Variants in GLI2 observed in about 807,000 individuals in gnomAD.
GLI2 encodes the protein GLI family zinc finger 2, also known as transcription activator GLI2.
Under a neutral mutation model 78.9 loss-of-function variants are expected in GLI2, and 22 were observed. The observed-to-expected ratio is 0.28, with a 90% confidence interval of 0.20 to 0.40. GLI2 has a LOEUF of 0.40. Ranked by LOEUF, GLI2 falls within the 10% of genes least tolerant of loss-of-function variation. The pLI is 1.00. For synonymous variants in GLI2, 974 were observed against 963.7 expected (o/e 1.01, Z -0.20); for missense variants, 2,097 against 2,213.2 (o/e 0.95, Z 1.05).
chr2:120,930,528 C>T (rs776867456), intron 3 of GLI2, among the ~76,000 whole-genome samples: 11 of 152,322 alleles, frequency 7.2e-5, no homozygotes, highest in Non-Finnish European at 1.0e-4. Flanking sequence ...CGAGTCCAGC[C>T]GAGCCCTTCT....
chr2:120,974,305 G>A (rs916696616), intron 8 of GLI2, among the ~76,000 whole-genome samples: 5 of 152,256 alleles, frequency 3.3e-5, no homozygotes, highest in Admixed American at 1.3e-4. Flanking sequence ...CTGCTCAGAG[G>A]GTGCCCCTGG....
chr2:120,873,109 C>G (rs940887827), intron 2 of GLI2, among the ~76,000 whole-genome samples: 1 of 152,174 alleles, frequency 6.6e-6, no homozygotes, highest in African/African-American at 2.4e-5. Context: ...TGCTTGCTAC[C>G]TCGTAACCTT....
At chr2:120,795,035 T>C (rs977347536) in intron 1 of GLI2, among the ~76,000 whole-genome samples, 3 of 152,194 alleles carry the variant, frequency 2.0e-5, no homozygotes, top group African/African-American at 4.8e-5. Context: ...CTCATTTTTT[T>C]CTACTTAAAA....
intron 2 of GLI2, among the ~76,000 whole-genome samples, chr2:120,871,877 ATT>A (rs1045349307): frequency 2.0e-5 from 3 of 152,150 alleles, no homozygotes; most frequent in African/African-American, 7.2e-5. Context: ...AGCCGGGCCC[ATT>A]TATTATGTTT....
intron 2 of GLI2, among the ~76,000 whole-genome samples, chr2:120,893,058 C>T (rs1008422965): frequency 2.0e-5 from 3 of 152,232 alleles, no homozygotes; most frequent in African/African-American, 7.2e-5. Flanking sequence ...TGGCAGAGCT[C>T]CTGCCCCCAG....
At chr2:120,771,424 G>A (rs1046648549) in intron 1 of GLI2, among the ~76,000 whole-genome samples, 4 of 150,586 alleles carry the variant, frequency 2.7e-5, no homozygotes, top group African/African-American at 5.0e-5. Context: ...TAAAATGACT[G>A]GTGAGGCTGG....
At chr2:120,967,497 G>A (rs1681915312) in intron 5 of GLI2, among the ~76,000 whole-genome samples, 1 of 152,204 alleles carries the variant, frequency 6.6e-6, no homozygotes, top group Non-Finnish European at 1.5e-5. Flanking sequence ...GCACCGTGAT[G>A]GGGAGCAGTC....
chr2:120,809,427 T>C (rs900101424), intron 2 of GLI2, among the ~76,000 whole-genome samples: 1 of 152,142 alleles, frequency 6.6e-6, no homozygotes, highest in Non-Finnish European at 1.5e-5. Context: ...AAATGTTCTG[T>C]AATTAGATAG....
chr2:120,972,051 G>C lies in GLI2; in HGVS notation c.1170G>C (p.Leu390=). 1 of 1,613,228 alleles carries C rather than the reference G, an allele frequency of 6.2e-7. No homozygotes were observed. The change falls in exon 8 of 14, where the codon CTG becomes CTC. Residue 390 remains leucine (L), a synonymous_variant. Transcript: ENST00000361492. ...AGGGCCTGCGGCCGGCCTCCCCTCT[G>C]GCGCTGACGCAGGTAACCTGCTGCC... ...EPEGLRPASP[L]ALTQEQLADL... is the part of the protein sequence containing the mutation.
chr2:120,741,351 C>T (rs1034133778), intron 1 of GLI2, among the ~76,000 whole-genome samples: 7 of 152,082 alleles, frequency 4.6e-5, no homozygotes, highest in African/African-American at 1.7e-4. Context: ...CTGTCCCCCT[C>T]CTTTGGCTCT....
At chr2:120,896,665 ACCCACCC>A (rs1289411129) in intron 2 of GLI2, among the ~76,000 whole-genome samples, 1,423 of 17,572 alleles carry the variant, frequency 0.081, 34 homozygotes, top group African/African-American at 0.16. Context: ...ACACACATAC[ACCCACCC>A]CCCCACACAC....
At chr2:120,831,168 G>A (rs1202166554) in intron 2 of GLI2, among the ~76,000 whole-genome samples, 1 of 151,626 alleles carries the variant, frequency 6.6e-6, no homozygotes, top group African/African-American at 2.4e-5. Context: ...TTCCTTGTCT[G>A]TCTCTGCACA....
intron 3 of GLI2, among the ~76,000 whole-genome samples, chr2:120,931,435 C>G (rs1261649961): frequency 6.6e-6 from 1 of 152,186 alleles, no homozygotes; most frequent in South Asian, 2.1e-4. Flanking sequence ...ATTTCAAGAT[C>G]TTTAAAGTAG....
Position 120,990,499 on chromosome 2 carries a change from C to G in GLI2, c.4534C>G (p.Leu1512Val). The G allele has an allele frequency of 6.2e-7, 1 of 1,613,988 alleles. No individual in the cohort carries two copies. The highest frequency in any genetic ancestry group is 8.5e-7 in the Non-Finnish European group (1 of 1,179,972). ...TCACTCGAGTTTGTTCTCGGGTGCT[C>G]TGAGCCCCAGCCTCCTCCACAGCCT... ...GDHSSLFSGA[L>V]SPSLLHSLSQ... The change falls in exon 14 of 14, where the codon CTG becomes GTG. Residue 1512 changes from leucine (L) to valine (V), a missense_variant. Physicochemically the swap from Leu to Val is conservative, Grantham distance 32 (BLOSUM62 1). This residue lies in a region of GLI2 where 1,290 missense variants were observed against 1,261.7 expected (regional missense o/e 1.02). Transcript: ENST00000361492.
At chr2:120,956,386 C>T (rs561434354) in intron 5 of GLI2, among the ~76,000 whole-genome samples, 4 of 152,206 alleles carry the variant, frequency 2.6e-5, no homozygotes, top group East Asian at 1.9e-4. Context: ...CTGTTAGACA[C>T]GAAGTCCTTC....
At chr2:120,873,959 C>T (rs1326028680) in intron 2 of GLI2, among the ~76,000 whole-genome samples, 1 of 152,216 alleles carries the variant, frequency 6.6e-6, no homozygotes, top group South Asian at 2.1e-4. Flanking sequence ...GCCAGATCCC[C>T]ATGTCGGGAA....
At chr2:120,792,452 GC>G (rs1167154451) in intron 1 of GLI2, 1 of 152,232 alleles carries the variant, frequency 6.6e-6, no homozygotes, top group Non-Finnish European at 1.5e-5. Context: ...AGCCGTGGGG[GC>G]TAATGAATGG....
chr2:120,767,754 C>A (rs1683407075), intron 1 of GLI2, among the ~76,000 whole-genome samples: 2 of 152,242 alleles, frequency 1.3e-5, no homozygotes, highest in African/African-American at 4.8e-5. Context: ...TGGGCCTTAA[C>A]CCAGGCGCTT....
chr2:120,941,200 C>A lies in GLI2; in HGVS notation c.255-10043C>A, dbSNP rs546641461. Among the ~76,000 whole-genome samples, 381 of 152,362 alleles carry A rather than the reference C, an allele frequency of 2.5e-3. 1 individual carries two copies. The highest frequency in any genetic ancestry group is 8.5e-3 in the African/African-American group (355 of 41,590). ...TTGATAAAAGACATGGACTGCGCTT[C>A]AGTTTGAGGAAGGGACAGTTCTCCA... On this transcript the variant is annotated intron_variant, in intron 3 of 13. Transcript: ENST00000361492.
Sources: allele counts gnomAD v4.1 joint callset (sites outside exome capture counted in the v4.1 genomes callset), GRCh38; gene constraint gnomAD v4.1.1; regional missense constraint gnomAD v4.1.1; transcripts MANE v1.5; gene names NCBI Gene and HGNC (gene_info 2026-07-23, HGNC 2026-07-21).